CTBP1: variants seen among roughly 807,000 people sequenced by gnomAD.
CTBP1 encodes C-terminal-binding protein 1.
Under a neutral mutation model 42.1 loss-of-function variants are expected in CTBP1, and 11 were observed. The observed-to-expected ratio is 0.26, with a 90% CI of 0.16 to 0.43. The LOEUF (loss-of-function observed/expected upper bound fraction) is 0.43. Ranked by LOEUF, CTBP1 falls within the 20% of genes least tolerant of loss-of-function variation. CTBP1 has a pLI of 1.00. For missense variants in CTBP1, 399 were observed against 624.3 expected, an observed-to-expected ratio of 0.64 and a Z score of 3.85; for synonymous variants, 324 against 277.1, an observed-to-expected ratio of 1.17 and a Z score of -1.68.
intron 1 of CTBP1, chr4:1,242,780 G>A: frequency 1.0e-6 from 1 of 985,324 alleles, no homozygotes; most frequent in Non-Finnish European, 1.2e-6. Flanking sequence ...TCTCCCCATG[G>A]TACCCGGATA....
intron 4 of CTBP1, 105 bp from the exon 5 acceptor site, chr4:1,225,671 A>C (rs1476896334): frequency 1.7e-5 from 21 of 1,257,538 alleles, no homozygotes; most frequent in Non-Finnish European, 2.1e-5. Flanking sequence ...CCAAGGAAGA[A>C]GCCAAAGGCC....
intron 2 of CTBP1, 27 bp downstream of exon 2, chr4:1,241,298 C>T (rs1394356000): frequency 2.5e-6 from 2 of 802,288 alleles, no homozygotes; most frequent in Non-Finnish European, 4.6e-6. Flanking sequence ...CTTCACTCTG[C>T]CGCCGACGCC....
intron 2 of CTBP1, among the ~76,000 whole-genome samples, chr4:1,239,983 C>G (rs1162136101): frequency 6.6e-6 from 1 of 152,268 alleles, no homozygotes; most frequent in Non-Finnish European, 1.5e-5. Context: ...GTGATGACTT[C>G]TCATGAGCAG....
chr4:1,214,179 C>T, intron 7 of CTBP1, 164 bp downstream of exon 7: 1 of 914,948 alleles, frequency 1.1e-6, no homozygotes, highest in South Asian at 2.1e-5. Flanking sequence ...GAGCCCGTGG[C>T]TCCATCCTCA....
intron 3 of CTBP1, chr4:1,237,799 G>C (rs1560273207): frequency 1.4e-6 from 1 of 693,132 alleles, no homozygotes; most frequent in Non-Finnish European, 2.6e-6. Context: ...CCTCCTGATG[G>C]GGCACAGGGC....
At chr4:1,226,247 C>T (rs917346750) in intron 4 of CTBP1, among the ~76,000 whole-genome samples, 8 of 152,148 alleles carry the variant, frequency 5.3e-5, no homozygotes, top group African/African-American at 9.7e-5. Context: ...TATTTACCCT[C>T]ATCCCTGGCT....
At chr4:1,228,837 GC>G (rs1270438142) in intron 3 of CTBP1, among the ~76,000 whole-genome samples, 2 of 152,198 alleles carry the variant, frequency 1.3e-5, no homozygotes, top group Non-Finnish European at 2.9e-5. Flanking sequence ...AGTCCCCGCG[GC>G]ACACAAGCAC....
Position 1,228,402 on chromosome 4 carries a change from T to G in CTBP1, c.163-59A>C, listed in dbSNP as rs572808854. The G allele has an allele frequency of 3.0e-5, 48 of 1,576,634 alleles. No individual in the cohort carries two copies. In the Admixed American group the frequency reaches 6.7e-4, roughly 22 times the overall value. On this transcript the variant is annotated intron_variant, in intron 3 of 9. Transcript: ENST00000382952. ...ACCTGAAGACCCTCGGGCTTGGCCT[T>G]CGGGGGTGGGGCTGCCCCGGCTGGG... is the stretch of plus-strand genomic sequence containing the variant.
At chr4:1,220,217 A>G (rs573692290) in intron 5 of CTBP1, among the ~76,000 whole-genome samples, 9,414 of 148,542 alleles carry the variant, frequency 0.063, 387 homozygotes, top group Non-Finnish European at 0.091. Context: ...AAAAAAAAAA[A>G]GGGGCAGAGA....
At chr4:1,245,884 A>C (rs1309930423) in intron 1 of CTBP1, among the ~76,000 whole-genome samples, 6 of 152,138 alleles carry the variant, frequency 3.9e-5, no homozygotes, top group African/African-American at 1.4e-4. Context: ...CGCCTCCCCA[A>C]CCAAACCAAC....
chr4:1,225,818 G>A (rs1179328904), intron 4 of CTBP1, among the ~76,000 whole-genome samples: 5 of 152,110 alleles, frequency 3.3e-5, no homozygotes, highest in Admixed American at 6.5e-5. Context: ...CTCGGTGTGT[G>A]GTAGGGCTGG....
chr4:1,238,256 T>G lies in CTBP1; in HGVS notation c.89A>C (p.Glu30Ala). The G allele has an allele frequency of 1.2e-6, 2 of 1,612,218 alleles. No homozygotes were observed. Among genetic ancestry groups the G allele is most frequent in the Non-Finnish European group, 1.7e-6 (2 of 1,179,334 alleles). ...GGCCACGTCCTTCAGGATGGGCATC[T>G]CCACTGTGCAGTCCCGGCCATCCAG... ...ALLDGRDCTV[E>A]MPILKDVATV... is the part of the protein sequence containing the mutation. Residue 30 changes from glutamate to alanine, a missense_variant, in exon 3 of 10, where the codon GAG (glutamate) becomes GCG (alanine). Physicochemically the swap from Glu to Ala is moderately radical, Grantham distance 107. Transcript: ENST00000382952. The surrounding 1 kb of genome is among the most constrained non-coding windows in gnomAD (Gnocchi z 5.9).
chr4:1,248,928 C>A lies in CTBP1; in HGVS notation c.-201G>T. On this transcript the variant is annotated 5_prime_UTR_variant, in exon 1 of 10. Transcript: ENST00000382952. ...CGCGCGGCCTTACCAAGCGGCAGGC[C>A]CTTGTTGAGCAAGTGCGAGCTGCCC... 2 of 1,011,792 alleles carry A rather than the reference C, an allele frequency of 2.0e-6. No individual in the cohort carries two copies. Among genetic ancestry groups the A allele is most frequent in the Non-Finnish European group, 2.4e-6 (2 of 841,014 alleles). 62.7% of individuals were successfully genotyped at this position (1,011,792 alleles called of 1,614,324 possible).
chr4:1,239,854 C>T (rs1044554771), intron 2 of CTBP1, among the ~76,000 whole-genome samples: 4 of 152,242 alleles, frequency 2.6e-5, no homozygotes, highest in Non-Finnish European at 4.4e-5. Flanking sequence ...CGTCCTGGTT[C>T]GCCTGTTCCT....
At chr4:1,239,901 T>A (rs765091439) in intron 2 of CTBP1, among the ~76,000 whole-genome samples, 7 of 152,246 alleles carry the variant, frequency 4.6e-5, no homozygotes, top group African/African-American at 1.4e-4. Flanking sequence ...ACGAGCACCA[T>A]AGACAGGCCG....
At chr4:1,217,745 G>A (rs1016990567) in intron 5 of CTBP1, 7 of 152,258 alleles carry the variant, frequency 4.6e-5, no homozygotes, top group Non-Finnish European at 1.0e-4. Context: ...CTTAGGATAA[G>A]AAATTATGAT....
intron 3 of CTBP1, among the ~76,000 whole-genome samples, chr4:1,229,936 G>T (rs1242092683): frequency 6.6e-6 from 1 of 152,194 alleles, no homozygotes; most frequent in East Asian, 1.9e-4. Flanking sequence ...CCCTGGGCTA[G>T]CCTGGGCATT....
chr4:1,226,473 AG>A (rs1255701758), intron 4 of CTBP1, among the ~76,000 whole-genome samples: 14 of 151,878 alleles, frequency 9.2e-5, no homozygotes, highest in African/African-American at 3.1e-4. Context: ...CGGCGCAGGC[AG>A]GGGCTGCATA....
intron 7 of CTBP1, 135 bp downstream of exon 7, chr4:1,214,208 A>C: frequency 8.3e-7 from 1 of 1,201,964 alleles, no homozygotes; most frequent in Non-Finnish European, 1.1e-6. Context: ...CGGGCGGCAA[A>C]CTCCCCCACT....
Sources: allele counts gnomAD v4.1 joint callset (sites outside exome capture counted in the v4.1 genomes callset), GRCh38; gene constraint gnomAD v4.1.1; non-coding constraint Gnocchi (gnomAD v3.1); transcripts MANE v1.5; gene names NCBI Gene and HGNC (gene_info 2026-07-23, HGNC 2026-07-21).